Variants in WBP11 observed in about 807,000 individuals in gnomAD.
WBP11 encodes the protein WW domain binding protein 11, also known as WW domain-binding protein 11.
Under a neutral mutation model 66.7 loss-of-function variants are expected in WBP11, and 12 were observed. The observed-to-expected ratio is 0.18, with a 90% CI of 0.12 to 0.29. The LOEUF is 0.29. WBP11 is among the 10% of genes least tolerant of loss of function. WBP11 has a pLI of 1.00. For missense variants in WBP11, 555 were observed against 818.3 expected (o/e 0.68, Z 3.93); for synonymous variants, 255 against 273.8 (o/e 0.93, Z 0.68).
At chr12:14,791,488 A>C (rs183495508) in intron 8 of WBP11, among the ~76,000 whole-genome samples, 4 of 152,232 alleles carry the variant, frequency 2.6e-5, no homozygotes, top group African/African-American at 9.6e-5. Context: ...TAAGCCCAGA[A>C]TATACAAAAC....
chr12:14,793,289 A>G (rs886199251), intron 8 of WBP11, among the ~76,000 whole-genome samples: 1 of 152,208 alleles, frequency 6.6e-6, no homozygotes, highest in Non-Finnish European at 1.5e-5. Context: ...AATATGTTTC[A>G]TGATTCCACT....
At chr12:14,803,217 G>C (rs1297499352) in intron 1 of WBP11, 135 bp downstream of exon 1, 2 of 388,974 alleles carry the variant, frequency 5.1e-6, no homozygotes, top group Non-Finnish European at 9.1e-6. Context: ...GAATAGCCCA[G>C]TCCGCAACAG....
intron 1 of WBP11, 58 bp from the exon 2 acceptor site, chr12:14,801,486 TC>T: frequency 8.8e-7 from 1 of 1,139,716 alleles, no homozygotes; most frequent in Admixed American, 2.0e-5. Context: ...TCTTCCTTTT[TC>T]TAGTCCCTAC....
chr12:14,791,083 C>T (rs1322257293), intron 9 of WBP11, 86 bp downstream of exon 9: 5 of 1,317,610 alleles, frequency 3.8e-6, no homozygotes, highest in Non-Finnish European at 5.3e-6. Flanking sequence ...TTGAAGGTTG[C>T]TGAGATACTA....
Position 14,801,361 on chromosome 12 carries a change from G to A in WBP11, c.23C>T (p.Ser8Phe). The change falls in exon 2 of 12, where the codon TCC (serine) becomes TTC (phenylalanine). Residue 8 changes from serine (S) to phenylalanine (F), a missense_variant. Ser to Phe is a radical substitution (Grantham distance 155, BLOSUM62 -2). Around this residue, in one of 6 missense-constraint regions of WBP11, gnomAD observed 43 missense variants for 142.1 expected, o/e 0.30. Transcript: ENST00000261167. Reference sequence around the variant, plus strand: ...GTTCATAAATTTTCCACTCTTGGTGGATGATGTAGATCTCCGTCCCATGTT... The same window carrying A: ...GTTCATAAATTTTCCACTCTTGGTGAATGATGTAGATCTCCGTCCCATGTT... MGRRSTS[S>F]TKSGKFMNPT... The A allele has an allele frequency of 6.2e-7, 1 of 1,613,236 alleles. No homozygotes were observed. Among genetic ancestry groups the A allele is most frequent in the Non-Finnish European group, 8.5e-7 (1 of 1,179,588 alleles).
In WBP11 at chr12:14,796,293, C is replaced by T. The variant is rs1308569172; in HGVS notation, c.387+514G>A. Among the ~76,000 whole-genome samples the T allele has an allele frequency of 6.6e-6, 1 of 152,134 alleles. No homozygotes were observed. The highest frequency in any genetic ancestry group is 2.4e-5 in the African/African-American group (1 of 41,432). On this transcript the variant is annotated intron_variant, in intron 5 of 11. Transcript: ENST00000261167. This position sits in a 1 kb window ranked among gnomAD's most constrained non-coding sequence, Gnocchi z 4.5. The stretch of plus-strand genomic sequence containing the variant: ...ATTATCCTATTAGTGAACACTTAGG[C>T]TGATCCAAGTTTTTGAATTAATTTC...
At position 14,789,007 on chromosome 12, in the gene WBP11, G is replaced by A. The variant is rs2137228957; in HGVS notation, c.1436C>T (p.Pro479Leu). 1.3e-6 allele frequency: 2 copies of A among 1,489,796 alleles called. No individual in the cohort carries two copies. Among genetic ancestry groups the A allele is most frequent in the Non-Finnish European group, 1.8e-6 (2 of 1,129,060 alleles). 92.3% of individuals were successfully genotyped at this position (1,489,796 alleles called of 1,614,324 possible). ...GGGTCCACGAGGAGGGGGACCAGGA[G>A]GCAGACCTGGAGGTGGACCTGGGGG... ...GPPPGPPPGL[P>L]PGPPPRGPPP... is the part of the protein sequence containing the mutation. The change falls in exon 11 of 12, where the codon CCT (proline) becomes CTT (leucine). Residue 479 changes from proline (P) to leucine (L), a missense_variant. Physicochemically the swap from Pro to Leu is moderately conservative, Grantham distance 98 (BLOSUM62 -3). This residue lies in a region of WBP11 where 230 missense variants were observed against 286.3 expected (regional missense o/e 0.80). Transcript: ENST00000261167.
chr12:14,787,841 G>A (rs1949771707), intron 11 of WBP11, among the ~76,000 whole-genome samples: 2 of 152,296 alleles, frequency 1.3e-5, no homozygotes, highest in Non-Finnish European at 2.9e-5. Flanking sequence ...GTATTAGTAA[G>A]GACAAGGTCA....
chr12:14,797,056 G>T, intron 4 of WBP11, 53 bp from the exon 5 acceptor site: 1 of 1,445,974 alleles, frequency 6.9e-7, no homozygotes. Flanking sequence ...CTTCAATTAG[G>T]TATCAATAGG....
At position 14,787,471 on chromosome 12, in the gene WBP11, A is replaced by G; in HGVS notation, c.1520T>C (p.Met507Thr). 6.6e-7 allele frequency: 1 copy of G among 1,518,610 alleles called. No individual in the cohort carries two copies. Among genetic ancestry groups the G allele is most frequent in the Non-Finnish European group, 8.8e-7 (1 of 1,133,382 alleles). The allele number at this position is 1,518,610 out of a possible 1,614,324, so 94.1% of individuals were successfully genotyped here. A position where few individuals can be genotyped will look rare whatever the true frequency, so the allele number is the denominator to read the frequency against. ...PGIPPPRPGM[M>T]RPPLVPPLGP... ...AAGGGGAGGCACCAAAGGTGGGCGC[A>G]TCATGCCAGGACGAGGTGGAGGAAT... Residue 507 changes from methionine to threonine, a missense_variant, in exon 12 of 12, where the codon ATG becomes ACG. Physicochemically the swap from Met to Thr is moderately conservative, Grantham distance 81. This residue lies in a region of WBP11 where 230 missense variants were observed against 286.3 expected (regional missense o/e 0.80). Coordinates refer to ENST00000261167, the MANE Select transcript of WBP11 (RefSeq NM_016312.3).
intron 5 of WBP11, among the ~76,000 whole-genome samples, chr12:14,795,808 G>C (rs1421926958): frequency 7.2e-5 from 11 of 152,192 alleles, no homozygotes; most frequent in South Asian, 4.1e-4. Context: ...GTGGAGGTTG[G>C]GCTCATTAGC....
chr12:14,793,055 A>C (rs1949840025), intron 8 of WBP11, among the ~76,000 whole-genome samples: 1 of 152,104 alleles, frequency 6.6e-6, no homozygotes, highest in African/African-American at 2.4e-5. Flanking sequence ...GATTCTTAAG[A>C]CACAGCAGGA....
At chr12:14,791,414 C>A in intron 8 of WBP11, 144 bp from the exon 9 acceptor site, 2 of 543,140 alleles carry the variant, frequency 3.7e-6, no homozygotes, top group Non-Finnish European at 6.4e-6. Flanking sequence ...ACTAATGATA[C>A]GAACACCCAG....
chr12:14,789,276 GAATT>G, intron 10 of WBP11, 143 bp from the exon 11 acceptor site: 1 of 805,130 alleles, frequency 1.2e-6, no homozygotes, highest in Non-Finnish European at 1.9e-6. Flanking sequence ...CATGGAAACA[GAATT>G]CATTCAATAA....
chr12:14,797,765 T>G (rs1328469005), intron 4 of WBP11, among the ~76,000 whole-genome samples: 2 of 152,222 alleles, frequency 1.3e-5, no homozygotes, highest in African/African-American at 4.8e-5. Context: ...GAATGTGTTA[T>G]GTAGAGAGAA....
chr12:14,787,952 G>A (rs1224476479), intron 11 of WBP11, among the ~76,000 whole-genome samples: 2 of 152,140 alleles, frequency 1.3e-5, no homozygotes, highest in African/African-American at 2.4e-5. Flanking sequence ...AAATGCATAC[G>A]GAGGCCGAGC....
chr12:14,791,086 A>C, intron 9 of WBP11, 83 bp downstream of exon 9: 1 of 1,341,296 alleles, frequency 7.5e-7, no homozygotes, highest in Non-Finnish European at 1.0e-6. Context: ...AAGGTTGCTG[A>C]GATACTAAAT....
rs1181293952 is a variant in WBP11, at chr12:14,786,308, ACTC to A, written c.*754_*756del. 6.6e-6 allele frequency: 1 copy of A among 151,722 alleles called. No homozygotes were observed. Among genetic ancestry groups the A allele is most frequent in the Non-Finnish European group, 1.5e-5 (1 of 67,928 alleles). 9.4% of individuals were successfully genotyped at this position (151,722 alleles called of 1,614,324 possible). On this transcript the variant is annotated 3_prime_UTR_variant, in exon 12 of 12. Transcript: ENST00000261167. ...ACAATCTTAAAAAAGGGAAATAATT[ACTC>A]CTTTTTATCCCTTAAAATTTAAAAT...
chr12:14,792,286 A>G (rs1949829727), intron 8 of WBP11, among the ~76,000 whole-genome samples: 1 of 152,128 alleles, frequency 6.6e-6, no homozygotes, highest in African/African-American at 2.4e-5. Flanking sequence ...AAAAAAACCT[A>G]TTAGCAAGCT....
Sources: gnomAD v4.1 joint callset for allele counts (sites outside exome capture counted in the v4.1 genomes callset) on GRCh38, gnomAD v4.1.1 for gene constraint, gnomAD v4.1.1 regional missense constraint, Gnocchi (gnomAD v3.1) non-coding constraint, MANE v1.5 for transcripts, NCBI Gene and HGNC (gene_info 2026-07-23, HGNC 2026-07-21) for gene names.